The following PARP4 variants were observed in gnomAD, a reference collection of about 807,000 sequenced individuals.
PARP4 encodes the protein protein mono-ADP-ribosyltransferase PARP4.
PARP4 carries 120 observed loss-of-function variants against 187.7 expected under a neutral mutation model. That is an observed-to-expected ratio of 0.64 (90% CI 0.55 to 0.74). The LOEUF (loss-of-function observed/expected upper bound fraction) is 0.74. PARP4 is among the 30% of genes least tolerant of loss of function. PARP4 has a pLI of 0.00. For missense variants in PARP4, 1,836 were observed against 2,070.5 expected (o/e 0.89, Z 2.20); for synonymous variants, 654 against 740.9 (o/e 0.88, Z 1.90).
rs199532322 is a variant in PARP4, at chr13:24,490,778, G to T, written c.1104C>A (p.Asn368Lys). The T allele has an allele frequency of 2.3e-4, 370 of 1,613,938 alleles. No homozygotes were observed. The highest frequency in any genetic ancestry group is 2.8e-4 in the Non-Finnish European group (327 of 1,179,926). ...CTCGGTATTTGGCCAGGGATGGTGG[G>T]TTGGGTTTGGACAAATTAGTTTCAC... ...NVCETNLSKP[N>K]PPSLAKYRAL... The change falls in exon 10 of 34, where the codon AAC becomes AAA. Residue 368 changes from asparagine to lysine, a missense_variant. This residue lies in a region of PARP4 where 1,147 missense variants were observed against 1,214.2 expected (regional missense o/e 0.94). Coordinates refer to ENST00000381989, the MANE Select transcript of PARP4 (RefSeq NM_006437.4).
At chr13:24,448,670 T>C (rs1485019077) in intron 25 of PARP4, among the ~76,000 whole-genome samples, 1 of 152,208 alleles carries the variant, frequency 6.6e-6, no homozygotes, top group Non-Finnish European at 1.5e-5. Flanking sequence ...TGTATACCAA[T>C]GCTCATAGCA....
chr13:24,494,954 C>G (rs1230897422), intron 6 of PARP4, among the ~76,000 whole-genome samples: 1 of 151,778 alleles, frequency 6.6e-6, no homozygotes, highest in African/African-American at 2.4e-5. Flanking sequence ...TCACTGCAAC[C>G]TCCACCTCCT....
chr13:24,453,990 C>T (rs1871675228), intron 22 of PARP4, among the ~76,000 whole-genome samples: 1 of 151,522 alleles, frequency 6.6e-6, no homozygotes, highest in Non-Finnish European at 1.5e-5. Context: ...GTGGTGAGCA[C>T]TGTAATCTCA....
chr13:24,469,780 T>C, intron 16 of PARP4, 114 bp downstream of exon 16: 6 of 1,087,834 alleles, frequency 5.5e-6, no homozygotes, highest in South Asian at 1.6e-5. Context: ...TCTCGTTTTA[T>C]GATAAGGCTG....
chr13:24,454,430 G>A (rs893987771), intron 22 of PARP4, among the ~76,000 whole-genome samples: 1 of 152,178 alleles, frequency 6.6e-6, no homozygotes, highest in Non-Finnish European at 1.5e-5. Context: ...TCCACTCCAC[G>A]CACCTCTCAT....
intron 17 of PARP4, among the ~76,000 whole-genome samples, chr13:24,463,899 C>T (rs190059807): frequency 1.3e-5 from 2 of 152,168 alleles, no homozygotes; most frequent in African/African-American, 4.8e-5. Flanking sequence ...TAGAAAACCC[C>T]ATCATCTCAG....
intron 1 of PARP4, among the ~76,000 whole-genome samples, chr13:24,506,299 C>T (rs552610257): frequency 1.3e-5 from 2 of 152,106 alleles, no homozygotes; most frequent in Non-Finnish European, 2.9e-5. Flanking sequence ...AGTGAAGCTG[C>T]AGACCTCCGC....
Position 24,498,172 on chromosome 13 carries a change from A to C in PARP4, c.535T>G (p.Ser179Ala). The change falls in exon 6 of 34, where the codon TCC (serine) becomes GCC (alanine). Residue 179 changes from serine (S) to alanine (A), a missense_variant. Physicochemically the swap from Ser to Ala is moderately conservative, Grantham distance 99 (BLOSUM62 1). This residue lies in a region of PARP4 where 1,147 missense variants were observed against 1,214.2 expected (regional missense o/e 0.94). Transcript: ENST00000381989. The part of the protein sequence containing the change: ...VVVELQCSRD[S>A]RDCPFLISSH... ...GATATCAGGAAAGGACAGTCCCTGGAGTCCCGCGAACACTGAAGCTCCACC... is the reference window on the plus strand; with the variant it reads ...GATATCAGGAAAGGACAGTCCCTGGCGTCCCGCGAACACTGAAGCTCCACC... The C allele has an allele frequency of 6.2e-7, 1 of 1,614,018 alleles. No homozygotes were observed. The highest frequency in any genetic ancestry group is 8.5e-7 in the Non-Finnish European group (1 of 1,179,994).
intron 21 of PARP4, among the ~76,000 whole-genome samples, chr13:24,455,684 C>CA (rs1871807656): frequency 7.3e-6 from 1 of 136,236 alleles, no homozygotes; most frequent in African/African-American, 2.8e-5. Context: ...GTGGCACGAT[C>CA]ACAGCTCAGT....
At chr13:24,490,201 T>C (rs544288200) in intron 10 of PARP4, among the ~76,000 whole-genome samples, 2 of 152,280 alleles carry the variant, frequency 1.3e-5, no homozygotes, top group African/African-American at 4.8e-5. Flanking sequence ...TACTGGAGAA[T>C]GCCCCTCAGC....
At chr13:24,486,118 T>A (rs1262112869) in intron 11 of PARP4, 50 bp downstream of exon 11, 2 of 1,539,958 alleles carry the variant, frequency 1.3e-6, no homozygotes, top group Admixed American at 4.0e-5. Context: ...GTAAAACACT[T>A]CACATTTGTG....
At chr13:24,466,537 G>A (rs763860386) in intron 17 of PARP4, among the ~76,000 whole-genome samples, 1 of 152,110 alleles carries the variant, frequency 6.6e-6, no homozygotes, top group Non-Finnish European at 1.5e-5. Context: ...GCTCACGTCT[G>A]TAATCTCAGC....
rs748358757 is a variant in PARP4, at chr13:24,455,083, T to A, written c.2692A>T (p.Ile898Phe). 5 of 1,613,002 alleles carry A rather than the reference T, an allele frequency of 3.1e-6. No individual in the cohort carries two copies. The South Asian group carries it at 3.3e-5, about 11-fold the overall frequency. Residue 898 changes from isoleucine to phenylalanine, a missense_variant, in exon 22 of 34, where the codon ATC becomes TTC. Ile to Phe is a conservative substitution (Grantham distance 21). Transcript: ENST00000381989. ...ACCAAGGACAGCGCATGCAAGGCGA[T>A]TTGCTTGGCTTGCAAGAATGTCACA... Reference protein sequence around the residue: ...EGVTFLQAKQIALHALSLVGE... With the variant: ...EGVTFLQAKQFALHALSLVGE...
At chr13:24,439,715 A>T (rs1483707767) in intron 30 of PARP4, among the ~76,000 whole-genome samples, 1 of 152,032 alleles carries the variant, frequency 6.6e-6, no homozygotes, top group East Asian at 1.9e-4. Flanking sequence ...TATATTTTCC[A>T]GGGCCCATTT....
intron 33 of PARP4, among the ~76,000 whole-genome samples, chr13:24,425,009 A>G (rs1315007763): frequency 2.6e-5 from 4 of 151,994 alleles, no homozygotes; most frequent in Admixed American, 1.3e-4. Context: ...TTCACCTTAA[A>G]TTAATTCCCA....
At chr13:24,445,428 A>C (rs6490936) in intron 27 of PARP4, among the ~76,000 whole-genome samples, 3 of 151,616 alleles carry the variant, frequency 2.0e-5, no homozygotes, top group Non-Finnish European at 4.4e-5. Context: ...CAACCTCCAG[A>C]GAGGGGAGAG....
chr13:24,492,355 A>T, intron 9 of PARP4, 66 bp downstream of exon 9: 1 of 1,147,570 alleles, frequency 8.7e-7, no homozygotes, highest in Non-Finnish European at 1.2e-6. Flanking sequence ...CATTCATCAG[A>T]TTTCTAAAGA....
At chr13:24,432,353 CCT>C (rs1473069015) in intron 31 of PARP4, among the ~76,000 whole-genome samples, 1 of 152,016 alleles carries the variant, frequency 6.6e-6, no homozygotes, top group Non-Finnish European at 1.5e-5. Flanking sequence ...TGCATGATTC[CCT>C]CTTTAAAAAA....
At chr13:24,488,498 C>T (rs545866907) in intron 10 of PARP4, among the ~76,000 whole-genome samples, 29 of 152,190 alleles carry the variant, frequency 1.9e-4, no homozygotes, top group African/African-American at 6.5e-4. Flanking sequence ...GAACCACAAA[C>T]GTGTGCCACC....
Sources: gnomAD v4.1 joint callset for allele counts (sites outside exome capture counted in the v4.1 genomes callset) on GRCh38, gnomAD v4.1.1 for gene constraint, gnomAD v4.1.1 regional missense constraint, MANE v1.5 for transcripts, NCBI Gene and HGNC (gene_info 2026-07-23, HGNC 2026-07-21) for gene names.